The following TMEM117 variants were observed in gnomAD, a reference collection of about 807,000 sequenced individuals.
The protein encoded by TMEM117 is transmembrane protein 117.
TMEM117 carries 27 observed loss-of-function variants against 52.4 expected under a neutral mutation model. The ratio of observed to expected loss-of-function variants is 0.51; its 90% CI spans 0.38 to 0.71. The LOEUF (loss-of-function observed/expected upper bound fraction) is 0.71, where lower values mean the gene tolerates loss of function less well. TMEM117 is among the 30% of genes least tolerant of loss of function. The pLI is 0.00. For synonymous variants in TMEM117, 215 were observed against 206.3 expected (o/e 1.04, Z -0.36); for missense variants, 556 against 630.5 (o/e 0.88, Z 1.26).
chr12:43,960,224 G>A (rs1945379539), intron 3 of TMEM117, among the ~76,000 whole-genome samples: 1 of 152,116 alleles, frequency 6.6e-6, no homozygotes, highest in African/African-American at 2.4e-5. Context: ...GAAAGGGCTG[G>A]TGGCAAGAAA....
chr12:44,174,128 A>G (rs1483718786), intron 4 of TMEM117, among the ~76,000 whole-genome samples: 2 of 152,190 alleles, frequency 1.3e-5, no homozygotes, highest in Admixed American at 6.5e-5. Flanking sequence ...TCTTTTCTTG[A>G]CACTATAATC....
At chr12:44,086,713 C>T (rs914600341) in intron 3 of TMEM117, among the ~76,000 whole-genome samples, 10 of 152,052 alleles carry the variant, frequency 6.6e-5, no homozygotes, top group Admixed American at 1.3e-4. Context: ...CATTTGCAAG[C>T]AGCTCTTTCG....
intron 2 of TMEM117, among the ~76,000 whole-genome samples, chr12:43,870,171 G>T (rs905835523): frequency 2.6e-5 from 4 of 151,916 alleles, no homozygotes; most frequent in African/African-American, 9.7e-5. Flanking sequence ...GTCAGTCATG[G>T]GTGGACATTT....
rs549385270 is a variant in TMEM117 at position 44,240,434 on chromosome 12, T to C, written c.608+29047T>C. On this transcript the variant is annotated intron_variant, in intron 5 of 7. Coordinates refer to ENST00000266534, the MANE Select transcript of TMEM117 (RefSeq NM_032256.3). ...CCTTGGTGTGACTGCCACACACTTA[T>C]TGAATAATCAAGTGTTCTGTTCTAA... Among the ~76,000 whole-genome samples the C allele has an allele frequency of 6.6e-5, 10 of 152,216 alleles. No homozygotes were observed. In the South Asian group the frequency reaches 1.0e-3, roughly 16 times the overall value.
intron 3 of TMEM117, among the ~76,000 whole-genome samples, chr12:43,990,177 C>T (rs1332429965): frequency 6.6e-6 from 1 of 152,132 alleles, no homozygotes; most frequent in Non-Finnish European, 1.5e-5. Context: ...AATGGATCAT[C>T]ATCCTTTAGT....
At chr12:44,267,234 T>C (rs2062586066) in intron 5 of TMEM117, among the ~76,000 whole-genome samples, 1 of 152,124 alleles carries the variant, frequency 6.6e-6, no homozygotes, top group Non-Finnish European at 1.5e-5. Flanking sequence ...TGACTTATTA[T>C]GTTACATTTA....
chr12:44,273,373 C>CATAT (rs144839729), intron 5 of TMEM117, among the ~76,000 whole-genome samples: 30 of 149,724 alleles, frequency 2.0e-4, no homozygotes, highest in African/African-American at 4.9e-4. Flanking sequence ...AATAAATATA[C>CATAT]ATATATATAT....
intron 4 of TMEM117, among the ~76,000 whole-genome samples, chr12:44,198,822 GT>G (rs1051533797): frequency 6.6e-6 from 1 of 152,034 alleles, no homozygotes; most frequent in African/African-American, 2.4e-5. Context: ...TTTCTTATCA[GT>G]TTTCTCAAGT....
intron 2 of TMEM117, among the ~76,000 whole-genome samples, chr12:43,867,365 A>T (rs1315406056): frequency 2.6e-5 from 4 of 152,206 alleles, no homozygotes; most frequent in Non-Finnish European, 5.9e-5. Flanking sequence ...AATAGGATGT[A>T]AATTATTATA....
At chr12:43,955,676 A>G (rs1945294997) in intron 3 of TMEM117, among the ~76,000 whole-genome samples, 1 of 152,242 alleles carries the variant, frequency 6.6e-6, no homozygotes, top group South Asian at 2.1e-4. Context: ...ACGGTCATGG[A>G]TAGGAAGAAT....
At chr12:44,070,597 G>A (rs552826832) in intron 3 of TMEM117, among the ~76,000 whole-genome samples, 1 of 152,284 alleles carries the variant, frequency 6.6e-6, no homozygotes, top group Admixed American at 6.5e-5. Context: ...TCCTCTGGGG[G>A]AGAGCAAGGA....
intron 6 of TMEM117, among the ~76,000 whole-genome samples, chr12:44,360,459 C>T (rs1414893885): frequency 2.6e-5 from 4 of 151,034 alleles, no homozygotes; most frequent in South Asian, 2.1e-4. Context: ...CCCAGCTACT[C>T]GGGAGGCTGA....
At chr12:44,328,799 T>G (rs540634789) in intron 6 of TMEM117, among the ~76,000 whole-genome samples, 2 of 152,122 alleles carry the variant, frequency 1.3e-5, no homozygotes, top group East Asian at 3.9e-4. Flanking sequence ...AAAGAAAGTG[T>G]CATAAATAGT....
intron 3 of TMEM117, among the ~76,000 whole-genome samples, chr12:44,021,939 T>C (rs1946462176): frequency 6.6e-6 from 1 of 152,212 alleles, no homozygotes; most frequent in African/African-American, 2.4e-5. Flanking sequence ...TTTTCTGTGG[T>C]CAACCCCCAA....
At chr12:44,246,765 C>T (rs1459205292) in intron 5 of TMEM117, among the ~76,000 whole-genome samples, 2 of 152,180 alleles carry the variant, frequency 1.3e-5, no homozygotes, top group Non-Finnish European at 2.9e-5. Context: ...CAAACAGTAA[C>T]AGTCTCAATG....
At chr12:43,835,413 T>C (rs1943010392), upstream of TMEM117, among the ~76,000 whole-genome samples, 1 of 152,204 alleles carries the variant, frequency 6.6e-6, no homozygotes, top group Admixed American at 6.5e-5. Flanking sequence ...CTTATGTGTG[T>C]ATACATATGT....
chr12:44,270,446 G>T (rs2138565772), intron 5 of TMEM117, among the ~76,000 whole-genome samples: 1 of 152,238 alleles, frequency 6.6e-6, no homozygotes, highest in South Asian at 2.1e-4. Flanking sequence ...CAGAGCTACT[G>T]ATTTGTGTGC....
chr12:44,389,813 A>G (rs1225930399), downstream of TMEM117: 1 of 152,058 alleles, frequency 6.6e-6, no homozygotes, highest in Non-Finnish European at 1.5e-5. Context: ...AGAAAAGTCC[A>G]TTTACATGGG....
intron 3 of TMEM117, among the ~76,000 whole-genome samples, chr12:43,959,595 G>C (rs992995679): frequency 6.6e-6 from 1 of 152,084 alleles, no homozygotes; most frequent in African/African-American, 2.4e-5. Flanking sequence ...CATTTTTACT[G>C]ATAAGAACAG....
Sources: allele counts gnomAD v4.1 joint callset (sites outside exome capture counted in the v4.1 genomes callset), GRCh38; gene constraint gnomAD v4.1.1; transcripts MANE v1.5; gene names NCBI Gene and HGNC (gene_info 2026-07-23, HGNC 2026-07-21).